Variants in ZNF208 observed in about 807,000 individuals in gnomAD.
ZNF208 encodes zinc finger protein 208, also known as zinc finger protein 95.
Under a neutral mutation model 12.1 loss-of-function variants are expected in ZNF208, and 10 were observed. That is an observed-to-expected ratio of 0.83 (90% CI 0.51 to 1.40). The LOEUF is 1.40. ZNF208 is among the 40% of genes most tolerant of loss of function. The probability of loss-of-function intolerance (pLI) is 0.00; values close to 1 mark genes in which losing one functional copy is unlikely to be tolerated. For synonymous variants in ZNF208, 497 were observed against 488.4 expected (o/e 1.02, Z -0.23); for missense variants, 1,652 against 1,485.0 (o/e 1.11, Z -1.85).
chr19:21,989,576 A>G (rs1205005871), intron 1 of ZNF208, among the ~76,000 whole-genome samples: 1 of 152,104 alleles, frequency 6.6e-6, no homozygotes, highest in Non-Finnish European at 1.5e-5. Flanking sequence ...AGCATGATTT[A>G]TAGTCCTTTG....
In ZNF208 at chr19:21,942,735, G is replaced by A. The variant is rs143546309; in HGVS notation, c.306-9498C>T. 7.8e-3 allele frequency among the ~76,000 whole-genome samples: 1,183 copies of A among 151,966 alleles called. 9 individuals carry two copies. Among genetic ancestry groups the A allele is most frequent in the African/African-American group, 0.027 (1,100 of 41,428 alleles). ...GCAATCTTGGTTCACTGCAACCTCC[G>A]CCTCCTGGGTTCACACAATTCTCCT... On this transcript the variant is annotated intron_variant, in intron 4 of 4. Coordinates refer to the ZNF208 transcript ENST00000599916.
chr19:21,979,936 G>C (rs948471581), intron 3 of ZNF208, among the ~76,000 whole-genome samples: 8 of 152,112 alleles, frequency 5.3e-5, no homozygotes. Flanking sequence ...TCTAGTCTCT[G>C]ATAAAACAGA....
chr19:21,981,143 G>T (rs1439615467), intron 3 of ZNF208, among the ~76,000 whole-genome samples: 1 of 152,018 alleles, frequency 6.6e-6, no homozygotes, highest in African/African-American at 2.4e-5. Context: ...AAGAAGAGCT[G>T]ATTCTATTAT....
At chr19:21,941,179 T>TG (rs1969733594) in intron 4 of ZNF208, 2 of 395,226 alleles carry the variant, frequency 5.1e-6, no homozygotes, top group East Asian at 3.6e-5. Flanking sequence ...CTGGAGCGGC[T>TG]GAGGGTGAAG....
intron 3 of ZNF208, among the ~76,000 whole-genome samples, chr19:21,975,061 A>C (rs373370169): frequency 6.6e-6 from 1 of 152,214 alleles, no homozygotes; most frequent in Non-Finnish European, 1.5e-5. Flanking sequence ...ACAGAAAAAA[A>C]GAAAAGTTTG....
chr19:21,940,838 G>C (rs1259432265), intron 4 of ZNF208: 1 of 153,932 alleles, frequency 6.5e-6, no homozygotes, highest in Non-Finnish European at 1.4e-5. Flanking sequence ...AAGCCAGTGG[G>C]AGAAACTGGC....
rs1266144735 is a variant in ZNF208, at chr19:21,972,592, A to G, written c.2442T>C (p.Phe814=). 1 of 1,613,164 alleles carries G rather than the reference A, an allele frequency of 6.2e-7. No individual in the cohort carries two copies. The highest frequency in any genetic ancestry group is 2.2e-5 in the East Asian group (1 of 44,742). ...PYKCEECGKT[F]SKVSTLTTHK... ...GTGTAGTAAGGGTTGAGACCTTACT[A>G]AAGGTTTTGCCACATTCTTCACATT... is the stretch of plus-strand genomic sequence containing the variant. The change falls in exon 4 of 4, where the codon TTT becomes TTC. Residue 814 remains phenylalanine, a synonymous_variant. Coordinates refer to ENST00000397126, the MANE Select transcript of ZNF208 (RefSeq NM_007153.3).
At chr19:21,956,280 G>T (rs1253506932) in intron 4 of ZNF208, among the ~76,000 whole-genome samples, 1 of 151,980 alleles carries the variant, frequency 6.6e-6, no homozygotes, top group Non-Finnish European at 1.5e-5. Flanking sequence ...ACTACTCGGG[G>T]TTCAGAGACC....
In ZNF208 at chr19:21,974,678, T is replaced by C; in HGVS notation, c.356A>G (p.Asn119Ser). Residue 119 changes from asparagine to serine, a missense_variant, in exon 4 of 4, where the codon AAT becomes AGT. Around this residue, in one of 3 missense-constraint regions of ZNF208, gnomAD observed 410 missense variants for 378.2 expected, o/e 1.08. Transcript: ENST00000397126. ...ENLHLKIGYT[N>S]VDECKVHKEG... The stretch of plus-strand genomic sequence containing the variant: ...TTTGTGCACCTTACACTCATCCACA[T>C]TGGTATAACCAATTTTTAAGTGTAA... 4 of 1,613,738 alleles carry C rather than the reference T, an allele frequency of 2.5e-6. No homozygotes were observed. The highest frequency in any genetic ancestry group is 2.5e-6 in the Non-Finnish European group (3 of 1,179,776).
intron 2 of ZNF208, among the ~76,000 whole-genome samples, chr19:21,988,565 T>C (rs80117552): frequency 0.13 from 19,581 of 151,956 alleles, 1,518 homozygotes; most frequent in Admixed American, 0.21. Context: ...ACCTCCCCCT[T>C]CTCCCTATCT....
At position 21,972,404 on chromosome 19, in the gene ZNF208, C is replaced by T. The variant is rs775309372; in HGVS notation, c.2630G>A (p.Ser877Asn). The change falls in exon 4 of 4, where the codon AGT (serine) becomes AAT (asparagine). Residue 877 changes from serine (S) to asparagine (N), a missense_variant. Physicochemically the swap from Ser to Asn is conservative, Grantham distance 46. Around this residue, in one of 3 missense-constraint regions of ZNF208, gnomAD observed 1,239 missense variants for 1,086.2 expected, o/e 1.14. Transcript: ENST00000397126. ...GKAYKWPSTL[S>N]YHKKIHTGEK... is the part of the protein sequence containing the mutation. ...TCCAGTATGAATTTTCTTATGATAA[C>T]TAAGGGTTGAGGGCCATTTATAGGC... 250 of 1,608,710 alleles carry T rather than the reference C, an allele frequency of 1.6e-4. No individual in the cohort carries two copies. The highest frequency in any genetic ancestry group is 2.1e-4 in the Non-Finnish European group (246 of 1,178,068).
chr19:21,980,509 C>G (rs1779247738), intron 3 of ZNF208, among the ~76,000 whole-genome samples: 1 of 152,114 alleles, frequency 6.6e-6, no homozygotes, highest in Non-Finnish European at 1.5e-5. Context: ...TAAAAAAGTT[C>G]TTTGAAACCA....
In ZNF208 at chr19:21,970,074, A is replaced by G. The variant is rs2359811; in HGVS notation, c.*1117T>C. On this transcript the variant is annotated 3_prime_UTR_variant, in exon 4 of 4. Transcript: ENST00000397126. ...ACAATCAAGTGTGACAGCCACTTAA[A>G]GGCTTTGTCATATTCTTCACTTTTC... Among the ~76,000 whole-genome samples the G allele has an allele frequency of 0.12, 17,571 of 152,220 alleles. 1,366 individuals carry two copies. Among genetic ancestry groups the G allele is most frequent in the South Asian group, 0.18 (889 of 4,826 alleles).
In ZNF208 at chr19:21,972,227, T is replaced by C. The variant is rs746282325; in HGVS notation, c.2807A>G (p.Lys936Arg). 6.2e-7 allele frequency: 1 copy of C among 1,613,616 alleles called. No individual in the cohort carries two copies. Among genetic ancestry groups the C allele is most frequent in the East Asian group, 2.2e-5 (1 of 44,810 alleles). The change falls in exon 4 of 4, where the codon AAG (lysine) becomes AGG (arginine). Residue 936 changes from lysine to arginine, a missense_variant. This residue lies in a region of ZNF208 where 1,239 missense variants were observed against 1,086.2 expected (regional missense o/e 1.14). Coordinates refer to ENST00000397126, the MANE Select transcript of ZNF208 (RefSeq NM_007153.3). The part of the protein sequence containing the change: ...FSWLSVFSKH[K>R]KTHAGEKFYK... Reference sequence around the variant, plus strand: ...GAATTTCTCTCCAGCATGAGTTTTCTTATGTTTACTAAAGACTGACAACCA... The same window carrying C: ...GAATTTCTCTCCAGCATGAGTTTTCCTATGTTTACTAAAGACTGACAACCA...
Position 22,010,891 on chromosome 19 carries a change from C to G in ZNF208, c.-97G>C. On this transcript the variant is annotated 5_prime_UTR_variant, in exon 1 of 4. Transcript: ENST00000397126. ...AGGCTGGGACTCTAGGAGCAGAGGACACACAGCAGTAAGGACGAGACCTTG... is the reference window on the plus strand; with the variant it reads ...AGGCTGGGACTCTAGGAGCAGAGGAGACACAGCAGTAAGGACGAGACCTTG... 1 of 1,564,520 alleles carries G rather than the reference C, an allele frequency of 6.4e-7. No individual in the cohort carries two copies. Among genetic ancestry groups the G allele is most frequent in the Non-Finnish European group, 8.8e-7 (1 of 1,136,122 alleles).
At chr19:21,953,905 T>C (rs1969930730) in intron 4 of ZNF208, among the ~76,000 whole-genome samples, 1 of 152,254 alleles carries the variant, frequency 6.6e-6, no homozygotes, top group African/African-American at 2.4e-5. Flanking sequence ...CATGCTTCTC[T>C]AGTTCTTTTA....
rs972337368 is a variant in ZNF208, at chr19:22,010,020, C to G, written c.3+772G>C. Among the ~76,000 whole-genome samples the G allele has an allele frequency of 7.9e-5, 12 of 152,012 alleles. 1 individual carries two copies. Among genetic ancestry groups the G allele is most frequent in the Admixed American group, 3.3e-4 (5 of 15,254 alleles). On this transcript the variant is annotated intron_variant, in intron 1 of 3. Transcript: ENST00000397126. ...CTAACATGGTGAAACCCTTTCTCAA[C>G]TAAAAATACAAAAAAGTAACCGAGC...
At chr19:21,957,901 T>C (rs1211587302) in intron 4 of ZNF208, among the ~76,000 whole-genome samples, 6 of 152,034 alleles carry the variant, frequency 3.9e-5, no homozygotes, top group Non-Finnish European at 7.3e-5. Context: ...TAGTTACATA[T>C]GTATACATGT....
rs1462559695 is a variant in ZNF208, at chr19:22,008,310, A to AAAAAG, written c.3+2481_3+2482insCTTTT. Among the ~76,000 whole-genome samples the AAAAAG allele has an allele frequency of 1.6e-3, 249 of 151,698 alleles. 1 individual carries two copies. The highest frequency in any genetic ancestry group is 5.5e-3 in the African/African-American group (228 of 41,404). ...AGAATGAGACTCTATCTCAAAAAAAAAAAAAAGAAAAAAAAAACTGAGGTC... is the reference window on the plus strand; with the variant it reads ...AGAATGAGACTCTATCTCAAAAAAAAAAAAGAAAAAAGAAAAAAAAAACTGAGGTC... On this transcript the variant is annotated intron_variant, in intron 1 of 3. Coordinates refer to ENST00000397126, the MANE Select transcript of ZNF208 (RefSeq NM_007153.3).
Sources: gnomAD v4.1 joint callset for allele counts (sites outside exome capture counted in the v4.1 genomes callset) on GRCh38, gnomAD v4.1.1 for gene constraint, gnomAD v4.1.1 regional missense constraint, MANE v1.5 for transcripts, NCBI Gene and HGNC (gene_info 2026-07-23, HGNC 2026-07-21) for gene names.